ASIC2: variants seen among roughly 807,000 people sequenced by gnomAD.
ASIC2 encodes the protein acid-sensing ion channel 2.
Under a neutral mutation model 57.3 loss-of-function variants are expected in ASIC2, and 25 were observed. That is an observed-to-expected ratio of 0.44 (90% CI 0.32 to 0.61). The LOEUF is 0.61. Among genes scored for constraint, ASIC2 ranks in the 20% least tolerant of loss-of-function variants. The probability of loss-of-function intolerance (pLI) is 0.06; values close to 1 mark genes in which losing one functional copy is unlikely to be tolerated. For missense variants in ASIC2, 641 were observed against 738.1 expected (o/e 0.87, Z 1.52); for synonymous variants, 319 against 307.5 (o/e 1.04, Z -0.39).
intron 1 of ASIC2, among the ~76,000 whole-genome samples, chr17:34,113,477 C>T (rs1911337748): frequency 6.6e-6 from 1 of 151,598 alleles, no homozygotes; most frequent in Non-Finnish European, 1.5e-5. Context: ...GGGAGGACAA[C>T]TTGAGCCCAG....
intron 1 of ASIC2, among the ~76,000 whole-genome samples, chr17:33,209,508 A>G (rs1907194190): frequency 6.6e-6 from 1 of 152,208 alleles, no homozygotes; most frequent in South Asian, 2.1e-4. Context: ...GATATTTAGC[A>G]GCATCCTTGA....
At chr17:33,024,084 G>A (rs1314470174) in intron 5 of ASIC2, 70 bp from the exon 6 acceptor site, 2 of 1,588,406 alleles carry the variant, frequency 1.3e-6, no homozygotes, top group Non-Finnish European at 1.7e-6. Context: ...CAGAGTAGCT[G>A]GATTGTAGCA....
chr17:34,149,265 C>T (rs935179268), intron 1 of ASIC2, among the ~76,000 whole-genome samples: 3 of 152,012 alleles, frequency 2.0e-5, no homozygotes, highest in African/African-American at 7.2e-5. Flanking sequence ...TGCCACCACT[C>T]CTGGCTCATT....
chr17:33,023,818 C>T, intron 6 of ASIC2, 43 bp downstream of exon 6: 1 of 1,610,860 alleles, frequency 6.2e-7, no homozygotes, highest in South Asian at 1.1e-5. Flanking sequence ...TCCTCCTTAT[C>T]CAGTTCCCCC....
At chr17:33,157,463 C>A (rs1905037210) in intron 1 of ASIC2, among the ~76,000 whole-genome samples, 1 of 152,282 alleles carries the variant, frequency 6.6e-6, no homozygotes, top group East Asian at 1.9e-4. Flanking sequence ...TTCCAAAACT[C>A]TTCATCTGCC....
intron 1 of ASIC2, among the ~76,000 whole-genome samples, chr17:33,617,934 C>A (rs1321236966): frequency 6.6e-6 from 1 of 152,178 alleles, no homozygotes; most frequent in Non-Finnish European, 1.5e-5. Context: ...AAAGTATGTG[C>A]TAAACTGTCC....
intron 3 of ASIC2, among the ~76,000 whole-genome samples, chr17:33,061,511 A>C (rs920609037): frequency 6.6e-6 from 1 of 152,136 alleles, no homozygotes; most frequent in Admixed American, 6.6e-5. Flanking sequence ...AGGGATGAAG[A>C]CAACTTGATC....
chr17:33,563,813 A>T (rs4550494), intron 1 of ASIC2, among the ~76,000 whole-genome samples: 1 of 151,928 alleles, frequency 6.6e-6, no homozygotes, highest in African/African-American at 2.4e-5. Flanking sequence ...AGCAAAGGAG[A>T]TGGGTGGGAT....
At chr17:33,050,494 C>T (rs554587019) in intron 3 of ASIC2, among the ~76,000 whole-genome samples, 1 of 152,252 alleles carries the variant, frequency 6.6e-6, no homozygotes, top group African/African-American at 2.4e-5. Flanking sequence ...ATTAGGTTGC[C>T]TATCCCACTT....
intron 1 of ASIC2, among the ~76,000 whole-genome samples, chr17:34,068,993 C>T (rs1455783573): frequency 6.6e-6 from 1 of 152,182 alleles, no homozygotes; most frequent in Non-Finnish European, 1.5e-5. Flanking sequence ...CCACGCCACT[C>T]AAAGCCAAAT....
chr17:33,700,704 T>C (rs1273205954), intron 1 of ASIC2, among the ~76,000 whole-genome samples: 2 of 152,218 alleles, frequency 1.3e-5, no homozygotes, highest in East Asian at 1.9e-4. Context: ...TCTGTTTTCA[T>C]GGAGGAAGGG....
chr17:33,913,809 T>C (rs1915523203), intron 1 of ASIC2, among the ~76,000 whole-genome samples: 1 of 152,248 alleles, frequency 6.6e-6, no homozygotes, highest in South Asian at 2.1e-4. Flanking sequence ...GTTGTAATTG[T>C]TGACGATACT....
At chr17:34,077,697 G>A (rs755602532) in intron 1 of ASIC2, among the ~76,000 whole-genome samples, 12 of 151,984 alleles carry the variant, frequency 7.9e-5, no homozygotes, top group Non-Finnish European at 1.3e-4. Flanking sequence ...TGTTAATTGC[G>A]TCCTCATTGA....
intron 1 of ASIC2, among the ~76,000 whole-genome samples, chr17:33,422,998 G>GCAT (rs1911098472): frequency 6.6e-6 from 1 of 152,206 alleles, no homozygotes; most frequent in Admixed American, 6.5e-5. Flanking sequence ...TGGCCACCAA[G>GCAT]CATCAGCCTG....
rs3071204 is a variant in ASIC2 at position 33,868,195 on chromosome 17, A to ATG, written c.555+287781_555+287782dup. 7.7e-3 allele frequency among the ~76,000 whole-genome samples: 1,082 copies of ATG among 140,012 alleles called. 14 individuals are homozygous for ATG. Among genetic ancestry groups the ATG allele is most frequent in the African/African-American group, 0.018 (726 of 39,510 alleles). 91.9% of individuals were successfully genotyped at this position (140,012 alleles called of 152,430 possible). On this transcript the variant is annotated intron_variant, in intron 1 of 9. Transcript: ENST00000359872. Reference sequence around the variant, plus strand: ...TCAACAAATGTATGTGTGTGTGTGTATGTGTGTGTGTGTGTGTGTGTGTGA... The same window carrying ATG: ...TCAACAAATGTATGTGTGTGTGTGTATGTGTGTGTGTGTGTGTGTGTGTGTGA...
intron 1 of ASIC2, among the ~76,000 whole-genome samples, chr17:33,551,304 C>T (rs964562101): frequency 3.3e-5 from 5 of 151,960 alleles, no homozygotes; most frequent in Non-Finnish European, 5.9e-5. Context: ...GTGGTGGTGG[C>T]TGTGGGGAGG....
chr17:33,044,915 G>A (rs183414333), intron 3 of ASIC2, among the ~76,000 whole-genome samples: 57 of 152,290 alleles, frequency 3.7e-4, no homozygotes, highest in African/African-American at 1.3e-3. Flanking sequence ...TTTGAGCTGA[G>A]TTTAGAAAGA....
intron 1 of ASIC2, among the ~76,000 whole-genome samples, chr17:33,709,942 G>A (rs979212579): frequency 1.3e-5 from 2 of 152,110 alleles, no homozygotes; most frequent in South Asian, 2.1e-4. Flanking sequence ...TTATTATCAC[G>A]GCAGTATTTA....
intron 1 of ASIC2, among the ~76,000 whole-genome samples, chr17:33,152,812 C>T (rs990944815): frequency 2.0e-5 from 3 of 152,142 alleles, no homozygotes; most frequent in Non-Finnish European, 4.4e-5. Context: ...GGCAGTACTA[C>T]GGAAAAGAAA....
Sources: gnomAD v4.1 joint callset for allele counts (sites outside exome capture counted in the v4.1 genomes callset) on GRCh38, gnomAD v4.1.1 for gene constraint, MANE v1.5 for transcripts, NCBI Gene and HGNC (gene_info 2026-07-23, HGNC 2026-07-21) for gene names.